Variants in MDGA2 observed in about 807,000 individuals in gnomAD.
The protein encoded by MDGA2 is MAM domain-containing glycosylphosphatidylinositol anchor protein 2.
Under a neutral mutation model 117.8 loss-of-function variants are expected in MDGA2, and 40 were observed. That is an observed-to-expected ratio of 0.34 (90% CI 0.26 to 0.44). The LOEUF (loss-of-function observed/expected upper bound fraction) is 0.44, where lower values mean the gene tolerates loss of function less well. MDGA2 is among the 20% of genes least tolerant of loss of function. The pLI, the probability that MDGA2 is intolerant of heterozygous loss-of-function variation, is 1.00. For synonymous variants in MDGA2, 452 were observed against 439.0 expected (o/e 1.03, Z -0.37); for missense variants, 1,123 against 1,250.6 (o/e 0.90, Z 1.54).
chr14:47,617,435 C>A (rs1230142990), intron 1 of MDGA2, among the ~76,000 whole-genome samples: 1 of 151,974 alleles, frequency 6.6e-6, no homozygotes, highest in South Asian at 2.1e-4. Context: ...AACTCCTGAC[C>A]CCAGGTGATC....
chr14:47,383,726 T>C (rs1317264414), intron 1 of MDGA2, among the ~76,000 whole-genome samples: 1 of 152,062 alleles, frequency 6.6e-6, no homozygotes, highest in Non-Finnish European at 1.5e-5. Flanking sequence ...GGTTTCACAA[T>C]GTTGGCCAGG....
At chr14:47,071,696 G>A (rs965899069) in intron 6 of MDGA2, among the ~76,000 whole-genome samples, 1 of 152,064 alleles carries the variant, frequency 6.6e-6, no homozygotes, top group African/African-American at 2.4e-5. Flanking sequence ...GAAAGGCAAA[G>A]AGGGAAATAC....
chr14:47,004,841 A>G (rs1414307442), intron 8 of MDGA2, among the ~76,000 whole-genome samples: 1 of 151,634 alleles, frequency 6.6e-6, no homozygotes, highest in Non-Finnish European at 1.5e-5. Flanking sequence ...CACATTTTAA[A>G]TGTTTTTAAA....
intron 8 of MDGA2, among the ~76,000 whole-genome samples, chr14:46,992,749 T>G (rs1372479359): frequency 6.6e-6 from 1 of 152,150 alleles, no homozygotes; most frequent in Non-Finnish European, 1.5e-5. Flanking sequence ...CACAGCTGTG[T>G]AAATTGTTTC....
intron 1 of MDGA2, among the ~76,000 whole-genome samples, chr14:47,459,304 A>G (rs1269201479): frequency 1.3e-5 from 2 of 152,262 alleles, no homozygotes; most frequent in African/African-American, 4.8e-5. Flanking sequence ...GGTTTTCTCC[A>G]TAGTACAGGT....
intron 1 of MDGA2, among the ~76,000 whole-genome samples, chr14:47,321,306 C>T (rs756655487): frequency 5.3e-5 from 8 of 152,136 alleles, no homozygotes; most frequent in Admixed American, 4.6e-4. Flanking sequence ...TTTTTCCTTG[C>T]CTTTCAATTA....
intron 3 of MDGA2, among the ~76,000 whole-genome samples, chr14:47,148,892 C>T (rs1489028196): frequency 6.6e-6 from 1 of 151,352 alleles, no homozygotes; most frequent in East Asian, 1.9e-4. Flanking sequence ...AGTTTCTTGG[C>T]TGTCCACTTA....
intron 15 of MDGA2, among the ~76,000 whole-genome samples, 183 bp from the exon 16 acceptor site, chr14:46,846,054 T>G (rs1349828645): frequency 6.6e-6 from 1 of 152,164 alleles, no homozygotes; most frequent in Non-Finnish European, 1.5e-5. Context: ...TAATTGAATC[T>G]TCCTTGCATT....
intron 3 of MDGA2, among the ~76,000 whole-genome samples, chr14:47,208,305 T>C (rs1885758687): frequency 6.6e-6 from 1 of 152,024 alleles, no homozygotes; most frequent in Admixed American, 6.6e-5. Flanking sequence ...TTTGATAGTA[T>C]AATGTATTCT....
chr14:46,930,615 C>T (rs112369357), intron 9 of MDGA2, among the ~76,000 whole-genome samples: 1,617 of 152,232 alleles, frequency 0.011, 14 homozygotes, highest in Non-Finnish European at 0.018. Context: ...ATCACGTGTA[C>T]TTGAAATGAG....
intron 8 of MDGA2, among the ~76,000 whole-genome samples, chr14:46,969,680 T>C (rs1886179682): frequency 2.0e-5 from 3 of 150,346 alleles, no homozygotes; most frequent in South Asian, 4.2e-4. Context: ...ATCGCAAAAA[T>C]TTTCTCCCAT....
chr14:47,211,238 G>T (rs768069101), intron 3 of MDGA2, among the ~76,000 whole-genome samples: 5 of 151,984 alleles, frequency 3.3e-5, no homozygotes, highest in Non-Finnish European at 7.4e-5. Context: ...CCCATTAAAA[G>T]ATACCTTTGG....
intron 8 of MDGA2, among the ~76,000 whole-genome samples, chr14:46,988,911 T>G (rs2138420931): frequency 6.6e-6 from 1 of 151,588 alleles, no homozygotes; most frequent in Middle Eastern, 3.4e-3. Flanking sequence ...GAGAGAAGGA[T>G]TTTAAAAGAC....
chr14:47,371,276 T>C (rs903838798), intron 1 of MDGA2, among the ~76,000 whole-genome samples: 1 of 151,820 alleles, frequency 6.6e-6, no homozygotes, highest in Non-Finnish European at 1.5e-5. Context: ...TGCTGATCTT[T>C]CTAATGCACC....
intron 5 of MDGA2, among the ~76,000 whole-genome samples, chr14:47,122,020 G>A (rs1292531184): frequency 6.6e-6 from 1 of 151,834 alleles, no homozygotes; most frequent in Non-Finnish European, 1.5e-5. Flanking sequence ...TGGGGCTCAA[G>A]GGCAGCTGTG....
intron 7 of MDGA2, among the ~76,000 whole-genome samples, chr14:47,057,436 C>T (rs907747938): frequency 6.6e-6 from 1 of 151,422 alleles, no homozygotes; most frequent in Non-Finnish European, 1.5e-5. Flanking sequence ...AGCAATAACA[C>T]AGGAAAGAAA....
chr14:47,258,442 G>A (rs1252535992), intron 2 of MDGA2, among the ~76,000 whole-genome samples: 1 of 151,948 alleles, frequency 6.6e-6, no homozygotes, highest in Non-Finnish European at 1.5e-5. Flanking sequence ...CCAGATCTGA[G>A]AACTCACTCA....
chr14:47,620,347 ATTG>A (rs1188982143), intron 1 of MDGA2, among the ~76,000 whole-genome samples: 15 of 152,252 alleles, frequency 9.9e-5, no homozygotes, highest in African/African-American at 3.6e-4. Flanking sequence ...CCACTGTGAT[ATTG>A]TTAACATATA....
In MDGA2 at chr14:46,845,881, T is replaced by C; in HGVS notation, c.2884-10A>G. The stretch of plus-strand genomic sequence containing the variant: ...TACCTTCAAAAATGAGCTACAAATA[T>C]GAATGAAACAAACCTAAATGTGGAG... On this transcript the variant is annotated splice_polypyrimidine_tract_variant and intron_variant, in intron 15 of 16. Transcript: ENST00000399232. The C allele has an allele frequency of 6.3e-7, 1 of 1,587,574 alleles. No individual in the cohort carries two copies.
Sources: gnomAD v4.1 joint callset for allele counts (sites outside exome capture counted in the v4.1 genomes callset) on GRCh38, gnomAD v4.1.1 for gene constraint, MANE v1.5 for transcripts, NCBI Gene and HGNC (gene_info 2026-07-23, HGNC 2026-07-21) for gene names.